ST6GALNAC5: variants seen among roughly 807,000 people sequenced by gnomAD.
ST6GALNAC5 encodes the protein ST6 N-acetylgalactosaminide alpha-2,6-sialyltransferase 5.
Under a neutral mutation model 33.6 loss-of-function variants are expected in ST6GALNAC5, and 27 were observed. The observed-to-expected ratio is 0.80, with a 90% CI of 0.59 to 1.11. The LOEUF (loss-of-function observed/expected upper bound fraction) is 1.11. Ranked by LOEUF, ST6GALNAC5 falls within the 50% of genes least tolerant of loss-of-function variation. The pLI, the probability that ST6GALNAC5 is intolerant of heterozygous loss-of-function variation, is 0.00. For missense variants in ST6GALNAC5, 428 were observed against 454.0 expected (o/e 0.94, Z 0.52); for synonymous variants, 194 against 171.2 (o/e 1.13, Z -1.04).
intron 2 of ST6GALNAC5, among the ~76,000 whole-genome samples, chr1:77,020,652 C>T (rs1308293775): frequency 6.6e-6 from 1 of 152,202 alleles, no homozygotes; most frequent in Non-Finnish European, 1.5e-5. Flanking sequence ...CTGCCCACCT[C>T]AGCCTCCCAA....
At chr1:76,965,065 C>T (rs1367122587) in intron 2 of ST6GALNAC5, among the ~76,000 whole-genome samples, 1 of 152,168 alleles carries the variant, frequency 6.6e-6, no homozygotes, top group Non-Finnish European at 1.5e-5. Context: ...CCACAACAAA[C>T]ATACAAGTGC....
intron 2 of ST6GALNAC5, among the ~76,000 whole-genome samples, chr1:76,894,361 T>C (rs1483820780): frequency 1.3e-5 from 2 of 152,238 alleles, no homozygotes; most frequent in East Asian, 3.9e-4. Context: ...CCACCACCCC[T>C]GTGGCAGCAA....
intron 2 of ST6GALNAC5, among the ~76,000 whole-genome samples, chr1:76,969,604 G>C (rs1462824017): frequency 1.3e-5 from 2 of 152,206 alleles, no homozygotes; most frequent in Non-Finnish European, 2.9e-5. Flanking sequence ...GCAGGGCATA[G>C]CTGAACAAAA....
chr1:77,028,385 C>T (rs1238405049), intron 2 of ST6GALNAC5, among the ~76,000 whole-genome samples: 1 of 151,968 alleles, frequency 6.6e-6, no homozygotes, highest in Non-Finnish European at 1.5e-5. Flanking sequence ...AACTTCAGGA[C>T]ATCAAAAGAC....
intron 2 of ST6GALNAC5, among the ~76,000 whole-genome samples, chr1:77,031,284 C>T (rs1375182153): frequency 6.6e-6 from 1 of 152,200 alleles, no homozygotes; most frequent in Non-Finnish European, 1.5e-5. Context: ...GTTTACTGAG[C>T]TTGGCAAAGT....
chr1:76,984,094 TAGAAGAACTAC>T (rs1208614508), intron 2 of ST6GALNAC5, among the ~76,000 whole-genome samples: 1 of 152,066 alleles, frequency 6.6e-6, no homozygotes, highest in Non-Finnish European at 1.5e-5. Context: ...ACATCAAAAT[TAGAAGAACTAC>T]AGAAGCAAGA....
At chr1:77,033,881 C>G (rs1651553855) in intron 2 of ST6GALNAC5, among the ~76,000 whole-genome samples, 1 of 152,094 alleles carries the variant, frequency 6.6e-6, no homozygotes, top group Non-Finnish European at 1.5e-5. Flanking sequence ...CAGTTTTACT[C>G]TATAAGCAGG....
At chr1:76,914,047 T>C (rs570438705) in intron 2 of ST6GALNAC5, among the ~76,000 whole-genome samples, 46 of 152,010 alleles carry the variant, frequency 3.0e-4, no homozygotes, top group African/African-American at 1.1e-3. Flanking sequence ...TATACACCAA[T>C]AACAGACAGA....
At chr1:77,001,422 A>G (rs12121262) in intron 2 of ST6GALNAC5, among the ~76,000 whole-genome samples, 1,749 of 124,338 alleles carry the variant, frequency 0.014, 36 homozygotes, top group African/African-American at 0.045. Context: ...TAGATATACA[A>G]TCATGTCGTC....
intron 2 of ST6GALNAC5, among the ~76,000 whole-genome samples, chr1:76,889,901 A>G (rs1653977455): frequency 6.6e-6 from 1 of 151,800 alleles, no homozygotes; most frequent in African/African-American, 2.4e-5. Flanking sequence ...TATACATTTT[A>G]TTTATGTATC....
intron 2 of ST6GALNAC5, among the ~76,000 whole-genome samples, chr1:76,954,879 T>C (rs146343595): frequency 7.0e-4 from 106 of 152,268 alleles, no homozygotes; most frequent in African/African-American, 2.5e-3. Flanking sequence ...TCACTATCAG[T>C]TTCCCTTAGT....
At chr1:76,886,114 AC>A (rs138869007) in intron 2 of ST6GALNAC5, among the ~76,000 whole-genome samples, 8,532 of 152,204 alleles carry the variant, frequency 0.056, 630 homozygotes, top group African/African-American at 0.17. Flanking sequence ...TTCCCTGACC[AC>A]CATATAGTAA....
At chr1:76,913,909 G>C (rs540231117) in intron 2 of ST6GALNAC5, among the ~76,000 whole-genome samples, 1 of 152,118 alleles carries the variant, frequency 6.6e-6, no homozygotes, top group Non-Finnish European at 1.5e-5. Flanking sequence ...AATTGTCCCT[G>C]TTTGCAGACG....
At chr1:77,061,735 AGACTC>A (rs1489299351) in intron 4 of ST6GALNAC5, among the ~76,000 whole-genome samples, 1 of 152,214 alleles carries the variant, frequency 6.6e-6, no homozygotes, top group Non-Finnish European at 1.5e-5. Flanking sequence ...TCTGAGACCA[AGACTC>A]TTTAGTGCGT....
At chr1:76,991,690 C>G (rs1289320826) in intron 2 of ST6GALNAC5, among the ~76,000 whole-genome samples, 1 of 152,156 alleles carries the variant, frequency 6.6e-6, no homozygotes, top group Non-Finnish European at 1.5e-5. Flanking sequence ...TTCTTTAGCT[C>G]AGCCCTCCCT....
chr1:77,062,804 C>T (rs1054846640), intron 4 of ST6GALNAC5, among the ~76,000 whole-genome samples, 171 bp from the exon 5 acceptor site: 1 of 152,040 alleles, frequency 6.6e-6, no homozygotes, highest in African/African-American at 2.4e-5. Flanking sequence ...ATTTCACAAC[C>T]TCAAAACCTC....
intron 2 of ST6GALNAC5, among the ~76,000 whole-genome samples, chr1:77,001,068 T>C (rs1247550240): frequency 2.6e-5 from 4 of 152,124 alleles, no homozygotes; most frequent in African/African-American, 9.7e-5. Flanking sequence ...ATTGAATCTG[T>C]ACGTTACCTT....
At position 77,006,300 on chromosome 1, in the gene ST6GALNAC5, G is replaced by A. The variant is rs188282495; in HGVS notation, c.262-37904G>A. ...CTCCCAAGTAGCTGGGACTACAGGT[G>A]CATGCCACTACACCCGGCTAATTTT... On this transcript the variant is annotated intron_variant, in intron 2 of 4. Coordinates refer to ENST00000477717, the MANE Select transcript of ST6GALNAC5 (RefSeq NM_030965.3). Among the ~76,000 whole-genome samples the A allele has an allele frequency of 4.3e-4, 65 of 150,130 alleles. No homozygotes were observed. In the Middle Eastern group the frequency reaches 0.017, roughly 40 times the overall value.
At chr1:77,015,479 C>T (rs1650795672) in intron 2 of ST6GALNAC5, among the ~76,000 whole-genome samples, 1 of 152,110 alleles carries the variant, frequency 6.6e-6, no homozygotes, top group Non-Finnish European at 1.5e-5. Context: ...GTAGCTCAGT[C>T]CTCACAGGGC....
Sources: allele counts gnomAD v4.1 joint callset (sites outside exome capture counted in the v4.1 genomes callset), GRCh38; gene constraint gnomAD v4.1.1; transcripts MANE v1.5; gene names NCBI Gene and HGNC (gene_info 2026-07-23, HGNC 2026-07-21).